Variants in DOCK10 observed in about 807,000 individuals in gnomAD.
DOCK10 encodes dedicator of cytokinesis 10.
In DOCK10, 145 loss-of-function variants were observed where a neutral mutation model predicts 280.1. The observed-to-expected ratio is 0.52, with a 90% CI of 0.45 to 0.59. DOCK10 has a LOEUF of 0.59. Ranked by LOEUF, DOCK10 falls within the 20% of genes least tolerant of loss-of-function variation. DOCK10 has a pLI of 0.00. For synonymous variants in DOCK10, 915 were observed against 942.2 expected (o/e 0.97, Z 0.53); for missense variants, 2,368 against 2,651.7 (o/e 0.89, Z 2.35).
intron 52 of DOCK10, among the ~76,000 whole-genome samples, chr2:224,774,490 G>A (rs1007219132): frequency 4.6e-5 from 7 of 152,338 alleles, no homozygotes; most frequent in South Asian, 2.1e-4. Flanking sequence ...ATTGGAGACC[G>A]ACATCTGCAT....
At chr2:224,932,346 A>C (rs1380959580) in intron 1 of DOCK10, among the ~76,000 whole-genome samples, 2 of 152,226 alleles carry the variant, frequency 1.3e-5, no homozygotes. Context: ...CTCCCCTCAA[A>C]GAAGCCCCTC....
At chr2:224,830,517 A>G in intron 27 of DOCK10, 24 bp downstream of exon 27, 1 of 1,223,246 alleles carries the variant, frequency 8.2e-7, no homozygotes, top group Non-Finnish European at 1.1e-6. Context: ...AAATATTATA[A>G]TATTATATTA....
intron 40 of DOCK10, 119 bp from the exon 41 acceptor site, chr2:224,800,382 T>A: frequency 1.8e-6 from 1 of 561,424 alleles, no homozygotes; most frequent in Non-Finnish European, 3.1e-6. Flanking sequence ...AATAATTTAT[T>A]AAATCAAAGT....
At position 224,896,292 on chromosome 2, in the gene DOCK10, T is replaced by C. The variant is rs1465137512; in HGVS notation, c.416+3A>G. ...CCAATAAGTGCTCATAACAGGTTCT[T>C]ACCGGGGTAGCTGTCGAATGTCTCC... is the stretch of plus-strand genomic sequence containing the variant. On this transcript the variant is annotated splice_donor_region_variant and intron_variant, in intron 4 of 55. Transcript: ENST00000258390. 2.5e-6 allele frequency: 4 copies of C among 1,574,708 alleles called. No individual in the cohort carries two copies. Among genetic ancestry groups the C allele is most frequent in the Non-Finnish European group, 3.5e-6 (4 of 1,148,180 alleles).
chr2:224,828,443 G>A (rs1695007624), intron 27 of DOCK10, among the ~76,000 whole-genome samples: 1 of 152,058 alleles, frequency 6.6e-6, no homozygotes, highest in Admixed American at 6.5e-5. Flanking sequence ...GAGGATAGAG[G>A]AAAAAATAAA....
At chr2:224,900,307 T>A (rs1036885891) in intron 3 of DOCK10, among the ~76,000 whole-genome samples, 2 of 152,126 alleles carry the variant, frequency 1.3e-5, no homozygotes, top group Non-Finnish European at 2.9e-5. Flanking sequence ...TTTCTTTTTT[T>A]AAAGCTATAA....
intron 1 of DOCK10, among the ~76,000 whole-genome samples, chr2:225,034,102 A>C (rs934154783): frequency 6.6e-6 from 1 of 152,230 alleles, no homozygotes; most frequent in Admixed American, 6.5e-5. Flanking sequence ...TCTTTTTTAG[A>C]AACTCTTCCT....
In DOCK10 at chr2:224,874,104, G is replaced by T. The variant is rs1337779873; in HGVS notation, c.1149C>A (p.Ile383=). The change falls in exon 11 of 56, where the codon ATC becomes ATA. Residue 383 remains isoleucine, a synonymous_variant. Coordinates refer to ENST00000258390, the MANE Select transcript of DOCK10 (RefSeq NM_014689.3). ...KKDLLEPESV[I]KPFEEKAAKR... ...TGGCAGCTTTTTCTTCAAATGGTTT[G>T]ATCACAGACTCAGGTTCCAAGAGAT... The T allele has an allele frequency of 6.2e-7, 1 of 1,610,206 alleles. No homozygotes were observed. The highest frequency in any genetic ancestry group is 1.3e-5 in the African/African-American group (1 of 74,998).
chr2:224,867,031 G>T (rs1697956147), intron 11 of DOCK10, among the ~76,000 whole-genome samples: 1 of 151,328 alleles, frequency 6.6e-6, no homozygotes, highest in Non-Finnish European at 1.5e-5. Flanking sequence ...CTGTCACAGG[G>T]ATATCATTGC....
At chr2:225,005,107 C>G (rs1559949480) in intron 1 of DOCK10, among the ~76,000 whole-genome samples, 1 of 152,146 alleles carries the variant, frequency 6.6e-6, no homozygotes, top group East Asian at 1.9e-4. Context: ...CTCATGTTCT[C>G]TTTGGAAAAA....
At chr2:224,883,883 C>T (rs1291247509) in intron 7 of DOCK10, among the ~76,000 whole-genome samples, 7 of 152,168 alleles carry the variant, frequency 4.6e-5, no homozygotes, top group South Asian at 2.1e-4. Context: ...CAAAAGACTA[C>T]AATGGTACTT....
intron 19 of DOCK10, among the ~76,000 whole-genome samples, chr2:224,847,469 T>C (rs755424754): frequency 2.2e-4 from 34 of 152,208 alleles, no homozygotes; most frequent in Non-Finnish European, 4.6e-4. Flanking sequence ...ACTGTCCATA[T>C]TCTCATGTGA....
intron 55 of DOCK10, among the ~76,000 whole-genome samples, chr2:224,766,681 G>A (rs777639368): frequency 6.6e-6 from 1 of 152,192 alleles, no homozygotes; most frequent in Non-Finnish European, 1.5e-5. Flanking sequence ...CATCATCACA[G>A]TTGACTTCAC....
intron 1 of DOCK10, among the ~76,000 whole-genome samples, chr2:225,024,030 C>T (rs1443851139): frequency 6.6e-6 from 1 of 152,212 alleles, no homozygotes; most frequent in Non-Finnish European, 1.5e-5. Flanking sequence ...CCTATTTCTT[C>T]TGTGACATTC....
intron 1 of DOCK10, among the ~76,000 whole-genome samples, chr2:224,994,564 C>T (rs911990598): frequency 1.3e-5 from 2 of 152,212 alleles, no homozygotes; most frequent in African/African-American, 4.8e-5. Flanking sequence ...ACAAAGATTG[C>T]TTCTTTCTAG....
At chr2:224,841,922 A>C (rs1230955035) in intron 22 of DOCK10, 26 bp from the exon 23 acceptor site, 2 of 1,520,682 alleles carry the variant, frequency 1.3e-6, no homozygotes, top group African/African-American at 2.7e-5. Context: ...AAAAGTATTT[A>C]TTTCTGATGA....
chr2:224,841,677 T>G, intron 23 of DOCK10, 127 bp downstream of exon 23: 2 of 561,424 alleles, frequency 3.6e-6, no homozygotes. Context: ...ACTCTCTGAA[T>G]TGATAAGGTA....
chr2:224,911,780 A>G (rs961809610), intron 3 of DOCK10, among the ~76,000 whole-genome samples: 4 of 152,186 alleles, frequency 2.6e-5, no homozygotes, highest in African/African-American at 9.7e-5. Context: ...TACACCCCCA[A>G]AGAGAGCAAA....
intron 7 of DOCK10, among the ~76,000 whole-genome samples, chr2:224,881,929 A>G (rs1699000996): frequency 6.6e-6 from 1 of 152,186 alleles, no homozygotes; most frequent in Admixed American, 6.5e-5. Context: ...GCCTCTCTTC[A>G]TGCATGCAGG....
Sources: allele counts gnomAD v4.1 joint callset (sites outside exome capture counted in the v4.1 genomes callset), GRCh38; gene constraint gnomAD v4.1.1; transcripts MANE v1.5; gene names NCBI Gene and HGNC (gene_info 2026-07-23, HGNC 2026-07-21).